Variants in GULP1 observed in about 807,000 individuals in gnomAD.
GULP1 encodes PTB domain-containing engulfment adapter protein 1.
In GULP1, 19 loss-of-function variants were observed where a neutral mutation model predicts 40.9. The ratio of observed to expected loss-of-function variants is 0.46; its 90% CI spans 0.32 to 0.68. GULP1 has a LOEUF of 0.68. Among genes scored for constraint, GULP1 ranks in the 30% least tolerant of loss-of-function variants. The probability of loss-of-function intolerance (pLI) is 0.03; values close to 1 mark genes in which losing one functional copy is unlikely to be tolerated. For synonymous variants in GULP1, 119 were observed against 117.6 expected (o/e 1.01, Z -0.08); for missense variants, 312 against 362.2 (o/e 0.86, Z 1.12).
At chr2:188,561,837 G>A (rs73042451) in intron 7 of GULP1, among the ~76,000 whole-genome samples, 3,247 of 152,228 alleles carry the variant, frequency 0.021, 107 homozygotes, top group African/African-American at 0.074. Flanking sequence ...CCTGGCAGTG[G>A]TAGTCCTTGC....
chr2:188,444,155 G>C (rs1470309086), intron 2 of GULP1, among the ~76,000 whole-genome samples: 1 of 152,060 alleles, frequency 6.6e-6, no homozygotes, highest in Non-Finnish European at 1.5e-5. Flanking sequence ...CAAATTTGCT[G>C]TTCTCCAAGG....
intron 5 of GULP1, among the ~76,000 whole-genome samples, chr2:188,527,238 T>C (rs1686404069): frequency 6.6e-6 from 1 of 152,170 alleles, no homozygotes; most frequent in Non-Finnish European, 1.5e-5. Flanking sequence ...TGCACAGTTC[T>C]TGTCAGAGGT....
chr2:188,493,111 T>C (rs2062567384), intron 4 of GULP1, among the ~76,000 whole-genome samples: 2 of 152,230 alleles, frequency 1.3e-5, no homozygotes, highest in South Asian at 4.1e-4. Flanking sequence ...TTCTTCTCTA[T>C]TTACGAGACC....
chr2:188,528,460 T>A (rs909637199), intron 5 of GULP1, among the ~76,000 whole-genome samples: 1 of 151,776 alleles, frequency 6.6e-6, no homozygotes, highest in Admixed American at 6.6e-5. Flanking sequence ...ATACACCTAC[T>A]AACTCAATGA....
At chr2:188,541,408 G>A in intron 7 of GULP1, 90 bp downstream of exon 7, 1 of 1,060,228 alleles carries the variant, frequency 9.4e-7, no homozygotes, top group Non-Finnish European at 1.5e-6. Flanking sequence ...ATTTGAAAAT[G>A]AATAATTTTC....
At chr2:188,564,617 C>G (rs967390288) in intron 7 of GULP1, among the ~76,000 whole-genome samples, 2 of 151,784 alleles carry the variant, frequency 1.3e-5, no homozygotes, top group African/African-American at 4.8e-5. Context: ...TTGGAAGGCT[C>G]AGTTTAATTG....
chr2:188,489,806 A>C (rs10931363), intron 4 of GULP1, among the ~76,000 whole-genome samples: 135,906 of 151,974 alleles, frequency 0.89, 61,861 homozygotes, highest in South Asian at 0.99. Context: ...TATGAAAGCA[A>C]ATAAAAGTGT....
Position 188,321,375 on chromosome 2 carries a change from T to C in GULP1, c.-172+29209T>C, listed in dbSNP as rs186302086. 2.4e-3 allele frequency among the ~76,000 whole-genome samples: 367 copies of C among 152,286 alleles called. 8 individuals carry two copies. In the Middle Eastern group the frequency reaches 0.027, roughly 11 times the overall value. On this transcript the variant is annotated intron_variant, in intron 1 of 11. Transcript: ENST00000409830. ...ATGAAATGTTTTCTTTGTAAATTAA[T>C]ATAAACCAAATTCTAGATATTGTTG...
chr2:188,408,211 C>T (rs2053389059), intron 2 of GULP1, among the ~76,000 whole-genome samples: 1 of 152,246 alleles, frequency 6.6e-6, no homozygotes, highest in East Asian at 1.9e-4. Flanking sequence ...CCACCATTGT[C>T]ATGATGTAGC....
intron 2 of GULP1, among the ~76,000 whole-genome samples, chr2:188,473,920 C>G (rs1187810377): frequency 6.6e-6 from 1 of 152,170 alleles, no homozygotes; most frequent in Non-Finnish European, 1.5e-5. Context: ...GAGTCTCACC[C>G]AAGTTTCTTG....
intron 2 of GULP1, among the ~76,000 whole-genome samples, chr2:188,414,507 T>C (rs1044460361): frequency 6.6e-6 from 1 of 152,082 alleles, no homozygotes; most frequent in African/African-American, 2.4e-5. Context: ...AAAACATAAG[T>C]TGTGTATTTT....
intron 4 of GULP1, among the ~76,000 whole-genome samples, chr2:188,513,120 A>T (rs4667230): frequency 6.6e-6 from 1 of 152,078 alleles, no homozygotes; most frequent in South Asian, 2.1e-4. Context: ...ATAAAATTAT[A>T]TCTATAGTAT....
At chr2:188,447,054 T>C (rs2058452476) in intron 2 of GULP1, among the ~76,000 whole-genome samples, 1 of 152,060 alleles carries the variant, frequency 6.6e-6, no homozygotes, top group Non-Finnish European at 1.5e-5. Flanking sequence ...AATACATTGG[T>C]TGTCCCACCA....
intron 11 of GULP1, chr2:188,592,623 GTC>G (rs1482705205): frequency 2.0e-5 from 3 of 151,914 alleles, no homozygotes; most frequent in African/African-American, 7.2e-5. Flanking sequence ...TATAGTAGTA[GTC>G]TCTGTGCTGT....
chr2:188,386,252 A>C (rs1288401213), intron 2 of GULP1, among the ~76,000 whole-genome samples: 1 of 152,110 alleles, frequency 6.6e-6, no homozygotes, highest in Non-Finnish European at 1.5e-5. Flanking sequence ...GAAAACTCCC[A>C]TTTTTAAAAC....
chr2:188,581,498 G>A (rs1576277068), intron 9 of GULP1, among the ~76,000 whole-genome samples: 1 of 152,154 alleles, frequency 6.6e-6, no homozygotes, highest in East Asian at 1.9e-4. Context: ...CTGTTTAATT[G>A]GCCACTGTGA....
At chr2:188,562,228 C>G (rs901904714) in intron 7 of GULP1, among the ~76,000 whole-genome samples, 5 of 152,186 alleles carry the variant, frequency 3.3e-5, no homozygotes, top group African/African-American at 1.2e-4. Context: ...GGTCTACGAA[C>G]AGCTCCATAT....
chr2:188,419,396 C>G (rs957079240), intron 2 of GULP1, among the ~76,000 whole-genome samples: 1 of 152,040 alleles, frequency 6.6e-6, no homozygotes, highest in African/African-American at 2.4e-5. Flanking sequence ...ATAGCCATCC[C>G]TAACAGGTGT....
intron 5 of GULP1, among the ~76,000 whole-genome samples, chr2:188,524,889 ATTTTAT>A (rs1467196809): frequency 6.6e-6 from 1 of 151,762 alleles, no homozygotes; most frequent in Non-Finnish European, 1.5e-5. Context: ...GTAAGGTAAC[ATTTTAT>A]TTATATTTAC....
Sources: gnomAD v4.1 joint callset for allele counts (sites outside exome capture counted in the v4.1 genomes callset) on GRCh38, gnomAD v4.1.1 for gene constraint, MANE v1.5 for transcripts, NCBI Gene and HGNC (gene_info 2026-07-23, HGNC 2026-07-21) for gene names.